ANKRD11: variants seen among roughly 807,000 people sequenced by gnomAD.
The protein encoded by ANKRD11 is ankyrin repeat domain-containing protein 11.
Under a neutral mutation model 195.7 loss-of-function variants are expected in ANKRD11, and 17 were observed. That is an observed-to-expected ratio of 0.09 (90% confidence interval 0.06 to 0.13). The LOEUF is 0.13. ANKRD11 is among the 10% of genes least tolerant of loss of function. The pLI is 1.00. For synonymous variants in ANKRD11, 1,953 were observed against 1,528.1 expected (o/e 1.28, Z -6.49); for missense variants, 3,735 against 3,566.1 (o/e 1.05, Z -1.21).
intron 2 of ANKRD11, among the ~76,000 whole-genome samples, chr16:89,377,773 T>C (rs1396229326): frequency 6.6e-6 from 1 of 152,082 alleles, no homozygotes; most frequent in African/African-American, 2.4e-5. Flanking sequence ...ACTGTGACCA[T>C]ACAGGAACAT....
rs2033491970 is a variant in ANKRD11, at chr16:89,274,743, A to G, written c.7713+71T>C. ...AGCTCCTGGTCAAAGTGCAGAATCT[A>G]TCAAGGGGAGGGGAGGCGGGCAGGG... On this transcript the variant is annotated intron_variant, in intron 11 of 12. Transcript: ENST00000301030. 1.6e-5 allele frequency: 25 copies of G among 1,595,538 alleles called. No homozygotes were observed. The South Asian group carries it at 2.5e-4, about 16-fold the overall frequency.
intron 12 of ANKRD11, among the ~76,000 whole-genome samples, chr16:89,268,975 A>G (rs557917714): frequency 1.9e-4 from 29 of 152,348 alleles, no homozygotes; most frequent in South Asian, 1.2e-3. Context: ...ACTGCAGCTT[A>G]TTAGAATCGA....
chr16:89,461,269 C>A (rs1597480386), intron 1 of ANKRD11, among the ~76,000 whole-genome samples: 1 of 143,480 alleles, frequency 7.0e-6, no homozygotes, highest in African/African-American at 2.6e-5. Context: ...TGGGGAGAGT[C>A]GAGGTTATGG....
At chr16:89,288,191 C>T (rs2034785625) in intron 7 of ANKRD11, 2 of 610,284 alleles carry the variant, frequency 3.3e-6, no homozygotes, top group East Asian at 2.7e-5. Context: ...AACAGTCCCA[C>T]AGTGGTGACG....
chr16:89,320,931 G>A (rs560115431), intron 2 of ANKRD11, among the ~76,000 whole-genome samples: 4 of 152,332 alleles, frequency 2.6e-5, no homozygotes, highest in East Asian at 1.9e-4. Context: ...CAGGACAGAC[G>A]TGACAGGAAC....
chr16:89,450,765 G>A (rs531263403), intron 1 of ANKRD11, among the ~76,000 whole-genome samples: 7 of 152,218 alleles, frequency 4.6e-5, no homozygotes, highest in Non-Finnish European at 7.4e-5. Flanking sequence ...CAAAACTGGC[G>A]GGATTACAGG....
chr16:89,313,667 C>T (rs2036753788), intron 3 of ANKRD11: 1 of 1,198,132 alleles, frequency 8.3e-7, no homozygotes, highest in Non-Finnish European at 1.1e-6. Flanking sequence ...TGAGCAGAAA[C>T]CATTTCAGCC....
intron 2 of ANKRD11, among the ~76,000 whole-genome samples, chr16:89,404,202 G>A (rs1344355577): frequency 6.6e-6 from 1 of 152,180 alleles, no homozygotes; most frequent in Non-Finnish European, 1.5e-5. Context: ...GCAGCATGGG[G>A]TTGAGAGGGG....
intron 1 of ANKRD11, chr16:89,422,325 T>C (rs2042551129): frequency 6.6e-6 from 1 of 151,906 alleles, no homozygotes; most frequent in Non-Finnish European, 1.5e-5. Flanking sequence ...TCCAAACCAT[T>C]AAAAGAATTT....
chr16:89,463,479 C>T (rs2056774380), intron 1 of ANKRD11, among the ~76,000 whole-genome samples: 1 of 152,104 alleles, frequency 6.6e-6, no homozygotes, highest in African/African-American at 2.4e-5. Context: ...GCAGCATACT[C>T]GTTAAGAGTC....
At chr16:89,394,168 G>A (rs141436776) in intron 2 of ANKRD11, among the ~76,000 whole-genome samples, 64 of 151,980 alleles carry the variant, frequency 4.2e-4, no homozygotes, top group African/African-American at 1.4e-3. Flanking sequence ...TCCTCCTGAG[G>A]TCAACGGGCA....
chr16:89,271,042 A>ACACTGAAT, intron 11 of ANKRD11, 133 bp from the exon 12 acceptor site: 1 of 797,586 alleles, frequency 1.3e-6, no homozygotes, highest in Non-Finnish European at 2.1e-6. Flanking sequence ...CACCGCGCAC[A>ACACTGAAT]CACTGAATCA....
rs574537053 is a variant in ANKRD11 at position 89,385,993 on chromosome 16, G to A, written c.-60+32291C>T. On this transcript the variant is annotated intron_variant, in intron 2 of 12. Transcript: ENST00000301030. ...ACTCCCTGGCTCAAGCCGGCCTCCC[G>A]CTCAGCCTCCCAGGTAGCTGGGACC... Among the ~76,000 whole-genome samples, 11 of 152,316 alleles carry A rather than the reference G, an allele frequency of 7.2e-5. No individual in the cohort carries two copies. In the South Asian group the frequency reaches 1.4e-3, roughly 20 times the overall value.
rs2038574165 is a variant in ANKRD11, at chr16:89,339,915, A to T, written c.-59-22837T>A. 3 of 152,218 alleles carry T rather than the reference A, an allele frequency of 2.0e-5. No individual in the cohort carries two copies. The South Asian group carries it at 6.2e-4, about 31-fold the overall frequency. 9.4% of individuals were successfully genotyped at this position (152,218 alleles called of 1,614,324 possible). ...AAAGCCGGCCGCTGTCTTTGCAGGT[A>T]ACGCATTGGACGGTTCCTGCCGTAC... On this transcript the variant is annotated intron_variant, in intron 2 of 12. Transcript: ENST00000301030.
intron 4 of ANKRD11, chr16:89,301,365 G>T (rs1030364643): frequency 2.3e-5 from 9 of 393,992 alleles, no homozygotes; most frequent in African/African-American, 1.0e-4. Context: ...AATTTAATAT[G>T]AATGCTTTCA....
intron 2 of ANKRD11, among the ~76,000 whole-genome samples, chr16:89,375,768 TAAAA>T (rs36033030): frequency 3.5e-5 from 3 of 84,556 alleles, no homozygotes; most frequent in Admixed American, 2.7e-4. Context: ...CTCCGTCTCT[TAAAA>T]AAAAAAAAAA....
intron 2 of ANKRD11, among the ~76,000 whole-genome samples, chr16:89,398,218 T>C (rs2041534773): frequency 6.6e-6 from 1 of 151,606 alleles, no homozygotes; most frequent in African/African-American, 2.4e-5. Context: ...AGATTACCTG[T>C]GACCTCAGCA....
At chr16:89,278,703 A>C in intron 9 of ANKRD11, 1 of 486,572 alleles carries the variant, frequency 2.1e-6, no homozygotes, top group Non-Finnish European at 4.0e-6. Context: ...GGGCAGGGGC[A>C]GGAGACACAG....
At chr16:89,412,841 A>T (rs896238215) in intron 2 of ANKRD11, among the ~76,000 whole-genome samples, 11 of 152,192 alleles carry the variant, frequency 7.2e-5, no homozygotes, top group African/African-American at 2.7e-4. Context: ...ACAAAAAGCC[A>T]TTCTCAGTCC....
Sources: gnomAD v4.1 joint callset for allele counts (sites outside exome capture counted in the v4.1 genomes callset) on GRCh38, gnomAD v4.1.1 for gene constraint, MANE v1.5 for transcripts, NCBI Gene and HGNC (gene_info 2026-07-23, HGNC 2026-07-21) for gene names.